The following HDAC9 variants were observed in gnomAD, a reference collection of about 807,000 sequenced individuals.
The protein encoded by HDAC9 is histone deacetylase 9, also known as MEF-2 interacting transcription repressor (MITR) protein.
HDAC9 carries 41 observed loss-of-function variants against 139.4 expected under a neutral mutation model. That is an observed-to-expected ratio of 0.29 (90% CI 0.23 to 0.38). The LOEUF is 0.38. Ranked by LOEUF, HDAC9 falls within the 10% of genes least tolerant of loss-of-function variation. The probability of loss-of-function intolerance (pLI) is 1.00; values close to 1 mark genes in which losing one functional copy is unlikely to be tolerated. For missense variants in HDAC9, 1,147 were observed against 1,297.0 expected (o/e 0.88, Z 1.78); for synonymous variants, 517 against 476.2 (o/e 1.09, Z -1.12).
intron 22 of HDAC9, among the ~76,000 whole-genome samples, chr7:18,910,793 T>C (rs1039773925): frequency 1.3e-5 from 2 of 151,892 alleles, no homozygotes; most frequent in African/African-American, 4.8e-5. Context: ...CTTGCATCCA[T>C]GATCACTTGA....
chr7:18,955,101 C>G (rs917481319), intron 24 of HDAC9, among the ~76,000 whole-genome samples: 1 of 152,092 alleles, frequency 6.6e-6, no homozygotes, highest in African/African-American at 2.4e-5. Context: ...CATTTATTGA[C>G]TACATGTCAT....
chr7:18,637,771 A>G (rs563582960), intron 8 of HDAC9, among the ~76,000 whole-genome samples: 1 of 152,062 alleles, frequency 6.6e-6, no homozygotes, highest in Non-Finnish European at 1.5e-5. Flanking sequence ...GATGGCTAAC[A>G]TGTGGTTTTC....
intron 12 of HDAC9, among the ~76,000 whole-genome samples, chr7:18,693,559 T>G (rs1282907519): frequency 1.3e-5 from 2 of 152,114 alleles, no homozygotes; most frequent in East Asian, 3.9e-4. Flanking sequence ...ATGCTTCTGG[T>G]GGTGCAGCAG....
At chr7:18,451,129 T>C (rs1219485941) in intron 1 of HDAC9, among the ~76,000 whole-genome samples, 6 of 152,106 alleles carry the variant, frequency 3.9e-5, no homozygotes, top group Non-Finnish European at 7.4e-5. Context: ...GATTAGTGCC[T>C]TTACGAAACA....
At chr7:18,798,725 G>A (rs997796127) in intron 17 of HDAC9, among the ~76,000 whole-genome samples, 3 of 152,094 alleles carry the variant, frequency 2.0e-5, no homozygotes, top group Admixed American at 2.0e-4. Flanking sequence ...AAAATTAGTG[G>A]CGATCACTCA....
chr7:18,390,355 A>G (rs924491409), intron 1 of HDAC9, among the ~76,000 whole-genome samples: 4 of 152,146 alleles, frequency 2.6e-5, no homozygotes, highest in African/African-American at 9.7e-5. Flanking sequence ...ATTATGGCTG[A>G]GATCCCAGTA....
intron 6 of HDAC9, among the ~76,000 whole-genome samples, chr7:18,626,155 G>A (rs1841653047): frequency 6.6e-6 from 1 of 151,968 alleles, no homozygotes; most frequent in Admixed American, 6.6e-5. Flanking sequence ...AAGAAGAGAG[G>A]GGAGGAAATT....
rs181473945 is a variant in HDAC9, at chr7:18,928,786, T to C, written c.2804-7023T>C. ...GCTATTTCTGGTCGATGGAACTATGTATTTATTATTATTTATAATTATTTG... is the reference window on the plus strand; with the variant it reads ...GCTATTTCTGGTCGATGGAACTATGCATTTATTATTATTTATAATTATTTG... On this transcript the variant is annotated intron_variant, in intron 22 of 25. Transcript: ENST00000686413. Among the ~76,000 whole-genome samples the C allele has an allele frequency of 4.2e-3, 641 of 151,930 alleles. 4 individuals are homozygous for C. The highest frequency in any genetic ancestry group is 6.8e-3 in the South Asian group (33 of 4,820).
intron 22 of HDAC9, among the ~76,000 whole-genome samples, chr7:18,910,568 C>G (rs1393734574): frequency 6.6e-6 from 1 of 151,992 alleles, no homozygotes; most frequent in Non-Finnish European, 1.5e-5. Flanking sequence ...ACTCGGACTT[C>G]TAGTACTAGG....
chr7:18,392,777 T>C (rs1258036381), intron 1 of HDAC9, among the ~76,000 whole-genome samples: 1 of 152,004 alleles, frequency 6.6e-6, no homozygotes, highest in African/African-American at 2.4e-5. Context: ...CACTCAGATA[T>C]GATTTAGACT....
intron 1 of HDAC9, among the ~76,000 whole-genome samples, chr7:18,109,984 T>A (rs1389935455): frequency 6.6e-6 from 1 of 152,184 alleles, no homozygotes; most frequent in Non-Finnish European, 1.5e-5. Flanking sequence ...CTCCCAGGCC[T>A]CAGATCTGCT....
At position 18,152,825 on chromosome 7, in the gene HDAC9, A is replaced by G. The variant is rs915844156; in HGVS notation, c.-96-9404A>G. ...GAATATAAAGTTTGTGTAAGTTAGA[A>G]AAGTCAATACTAATTATAGGGTGAA... On this transcript the variant is annotated intron_variant, in intron 1 of 12. Transcript: ENST00000417496. Among the ~76,000 whole-genome samples, 3 of 152,374 alleles carry G rather than the reference A, an allele frequency of 2.0e-5. No individual in the cohort carries two copies. In the East Asian group the frequency reaches 5.8e-4, roughly 29 times the overall value.
intron 19 of HDAC9, among the ~76,000 whole-genome samples, chr7:18,832,758 G>T (rs563882609): frequency 6.6e-6 from 1 of 151,408 alleles, no homozygotes; most frequent in Non-Finnish European, 1.5e-5. Context: ...TTCTTGAGAC[G>T]GAGTTTCGCT....
chr7:18,189,920 G>GGTGTGT (rs35060071), intron 2 of HDAC9, among the ~76,000 whole-genome samples: 28 of 145,152 alleles, frequency 1.9e-4, no homozygotes, highest in African/African-American at 5.9e-4. Flanking sequence ...ACTTGTGTGT[G>GGTGTGT]GTGTGTGTGT....
chr7:18,912,316 C>T (rs1477922734), intron 22 of HDAC9, among the ~76,000 whole-genome samples: 1 of 151,912 alleles, frequency 6.6e-6, no homozygotes, highest in African/African-American at 2.4e-5. Context: ...AACATAAAAA[C>T]CTTTACCCCT....
intron 2 of HDAC9, among the ~76,000 whole-genome samples, chr7:18,525,864 CACTT>C (rs1451881877): frequency 6.6e-6 from 1 of 152,148 alleles, no homozygotes; most frequent in Non-Finnish European, 1.5e-5. Context: ...GTACATGTTT[CACTT>C]ACTTTCTGCA....
intron 11 of HDAC9, among the ~76,000 whole-genome samples, chr7:18,655,295 G>A (rs1186301327): frequency 6.6e-6 from 1 of 152,066 alleles, no homozygotes; most frequent in Non-Finnish European, 1.5e-5. Flanking sequence ...TACATGGATA[G>A]TATGTCCAAA....
intron 1 of HDAC9, among the ~76,000 whole-genome samples, chr7:18,107,847 G>T (rs916680718): frequency 1.3e-5 from 2 of 152,146 alleles, no homozygotes; most frequent in South Asian, 4.1e-4. Context: ...TTTCAAAAAT[G>T]TGATTATACT....
intron 2 of HDAC9, among the ~76,000 whole-genome samples, chr7:18,259,656 T>C (rs942132038): frequency 3.3e-5 from 5 of 152,216 alleles, no homozygotes; most frequent in African/African-American, 1.2e-4. Flanking sequence ...TGAGCCATCA[T>C]GCCCGGCCAA....
Sources: gnomAD v4.1 joint callset for allele counts (sites outside exome capture counted in the v4.1 genomes callset) on GRCh38, gnomAD v4.1.1 for gene constraint, MANE v1.5 for transcripts, NCBI Gene and HGNC (gene_info 2026-07-23, HGNC 2026-07-21) for gene names.